ZNF286A: variants seen among roughly 807,000 people sequenced by gnomAD.
ZNF286A encodes the protein zinc finger protein ZNF286.
In ZNF286A, 34 loss-of-function variants were observed where a neutral mutation model predicts 49.3. The observed-to-expected ratio is 0.69, with a 90% CI of 0.52 to 0.92. The LOEUF (loss-of-function observed/expected upper bound fraction) is 0.92, where lower values mean the gene tolerates loss of function less well. Among genes scored for constraint, ZNF286A ranks in the 40% least tolerant of loss-of-function variants. The probability of loss-of-function intolerance (pLI) is 0.00; values close to 1 mark genes in which losing one functional copy is unlikely to be tolerated. For missense variants in ZNF286A, 462 were observed against 600.2 expected (o/e 0.77, Z 2.41); for synonymous variants, 155 against 200.4 (o/e 0.77, Z 1.91).
chr17:15,701,924 C>T (rs866418777), intron 3 of ZNF286A, among the ~76,000 whole-genome samples: 2 of 151,518 alleles, frequency 1.3e-5, no homozygotes, highest in Middle Eastern at 3.4e-3. Context: ...AGATTGAGAC[C>T]ATCCTTGCTA....
At chr17:15,701,402 GT>G (rs1597702221) in intron 3 of ZNF286A, 162 bp downstream of exon 3, 1 of 532,524 alleles carries the variant, frequency 1.9e-6, no homozygotes, top group East Asian at 3.2e-5. Context: ...AGAAGAAAAT[GT>G]TTTCTACTTA....
chr17:15,705,384 G>GT (rs1370690925), intron 3 of ZNF286A, among the ~76,000 whole-genome samples: 1 of 150,950 alleles, frequency 6.6e-6, no homozygotes, highest in Admixed American at 6.6e-5. Flanking sequence ...CTTTTCCTTT[G>GT]TTTTTTGTTC....
chr17:15,703,433 A>G (rs915993208), intron 3 of ZNF286A, among the ~76,000 whole-genome samples: 4 of 151,960 alleles, frequency 2.6e-5, no homozygotes, highest in Admixed American at 6.6e-5. Context: ...TGCCTGGGCT[A>G]TTTTTTACCT....
chr17:15,710,830 A>G (rs533152005), intron 5 of ZNF286A, among the ~76,000 whole-genome samples: 1 of 151,914 alleles, frequency 6.6e-6, no homozygotes, highest in East Asian at 1.9e-4. Context: ...GTCCTTATAT[A>G]TGAGGTTTTT....
Position 15,717,931 on chromosome 17 carries a change from T to TG in ZNF286A, c.*641_*642insG, listed in dbSNP as rs1967156503. 1 of 6,550 alleles carries TG rather than the reference T, an allele frequency of 1.5e-4. No individual in the cohort carries two copies. The highest frequency in any genetic ancestry group is 1.2e-3 in the African/African-American group (1 of 856). The allele number at this position is 6,550 out of a possible 1,614,324, so 0.4% of individuals were successfully genotyped here. On this transcript the variant is annotated 3_prime_UTR_variant, in exon 6 of 6. Transcript: ENST00000583566. ...TCACATGGATTATGTACATCATTGA[T>TG]TTTTTTTTTTTTTTTTTTTTGAGAC... is the stretch of plus-strand genomic sequence containing the variant.
chr17:15,715,403 T>G (rs893063423), intron 5 of ZNF286A, among the ~76,000 whole-genome samples: 5 of 152,138 alleles, frequency 3.3e-5, no homozygotes, highest in African/African-American at 1.2e-4. Flanking sequence ...TGGATAGTAC[T>G]CCATTGTTTG....
chr17:15,701,369 C>G (rs1272669988), intron 3 of ZNF286A, 129 bp downstream of exon 3: 2 of 731,812 alleles, frequency 2.7e-6, no homozygotes, highest in East Asian at 5.6e-5. Context: ...ATCTAAGAGA[C>G]TAGTCAGGAG....
intron 5 of ZNF286A, chr17:15,708,532 C>G (rs1990414033): frequency 3.9e-6 from 1 of 253,222 alleles, no homozygotes; most frequent in Non-Finnish European, 7.3e-6. Context: ...TGAATTTTCA[C>G]TAATTTAGCA....
intron 5 of ZNF286A, among the ~76,000 whole-genome samples, chr17:15,709,155 T>C (rs1315892277): frequency 1.3e-5 from 2 of 151,940 alleles, no homozygotes; most frequent in East Asian, 3.9e-4. Flanking sequence ...TGATGTCTTT[T>C]ATTTTTTAAG....
chr17:15,699,858 C>T (rs1989629577), intron 1 of ZNF286A, 81 bp downstream of exon 1: 1 of 702,104 alleles, frequency 1.4e-6, no homozygotes, highest in Non-Finnish European at 2.6e-6. Flanking sequence ...CGAGTCGGGG[C>T]TAGAGTGCGC....
intron 5 of ZNF286A, among the ~76,000 whole-genome samples, chr17:15,712,020 C>T (rs1190197792): frequency 1.2e-4 from 18 of 151,698 alleles, no homozygotes; most frequent in South Asian, 1.0e-3. Flanking sequence ...TACAGGTGCC[C>T]GCCACCACAC....
chr17:15,699,799 C>A, intron 1 of ZNF286A, 22 bp downstream of exon 1: 1 of 702,868 alleles, frequency 1.4e-6, no homozygotes, highest in Non-Finnish European at 2.6e-6. Context: ...GTGGTGATGT[C>A]GCTCGTCTCG....
intron 5 of ZNF286A, 129 bp from the exon 6 acceptor site, chr17:15,715,930 C>G: frequency 6.6e-7 from 1 of 1,522,802 alleles, no homozygotes; most frequent in East Asian, 2.4e-5. Context: ...TGCAAATCAT[C>G]TGAAAGAGTC....
chr17:15,704,400 G>A, intron 3 of ZNF286A: 4 of 1,606,580 alleles, frequency 2.5e-6, no homozygotes, highest in South Asian at 2.2e-5. Context: ...GGGCCCGCCC[G>A]GCTTCGGCCC....
intron 2 of ZNF286A, chr17:15,700,749 C>T (rs1989708942): frequency 2.3e-6 from 1 of 435,730 alleles, no homozygotes; most frequent in Non-Finnish European, 4.3e-6. Context: ...ACCAGAATTC[C>T]CCCTGGGGTG....
At chr17:15,703,818 C>G (rs1392774880) in intron 3 of ZNF286A, among the ~76,000 whole-genome samples, 1 of 151,990 alleles carries the variant, frequency 6.6e-6, no homozygotes, top group Non-Finnish European at 1.5e-5. Flanking sequence ...ATTCTGTTTC[C>G]TGTGCTTTAT....
At chr17:15,704,386 G>T in intron 3 of ZNF286A, 2 of 1,607,766 alleles carry the variant, frequency 1.2e-6, no homozygotes, top group Non-Finnish European at 1.7e-6. Flanking sequence ...AGTGCCACTG[G>T]CCAGGGCCCG....
rs1467499246 is a variant in ZNF286A, at chr17:15,718,277, C to A, written c.*987C>A. ...CATTGTTATCCCTCTACCGCGGAGACCTTCTTTCATTTTCCATTTCCCTGG... is the reference window on the plus strand; with the variant it reads ...CATTGTTATCCCTCTACCGCGGAGAACTTCTTTCATTTTCCATTTCCCTGG... On this transcript the variant is annotated 3_prime_UTR_variant, in exon 6 of 6. Coordinates refer to ENST00000583566, the MANE Select transcript of ZNF286A (RefSeq NM_001130842.2). 6.6e-6 allele frequency: 1 copy of A among 150,662 alleles called. No individual in the cohort carries two copies. The highest frequency in any genetic ancestry group is 1.5e-5 in the Non-Finnish European group (1 of 67,804). The allele number at this position is 150,662 out of a possible 1,614,324, so 9.3% of individuals were successfully genotyped here. A position where few individuals can be genotyped will look rare whatever the true frequency, so the allele number is the denominator to read the frequency against.
intron 3 of ZNF286A, chr17:15,704,362 G>C (rs1313127054): frequency 6.2e-7 from 1 of 1,610,442 alleles, no homozygotes; most frequent in Non-Finnish European, 8.5e-7. Flanking sequence ...CCCAGGGTCG[G>C]TGGAGGAAGC....
Sources: allele counts gnomAD v4.1 joint callset (sites outside exome capture counted in the v4.1 genomes callset), GRCh38; gene constraint gnomAD v4.1.1; transcripts MANE v1.5; gene names NCBI Gene and HGNC (gene_info 2026-07-23, HGNC 2026-07-21).